The following GAS2 variants were observed in gnomAD, a reference collection of about 807,000 sequenced individuals.
GAS2 encodes growth arrest specific 2, also known as growth arrest-specific protein 2.
A neutral mutation model predicts 37.5 loss-of-function variants in GAS2; 20 were observed. The observed-to-expected ratio is 0.53, with a 90% CI of 0.37 to 0.77. The LOEUF (loss-of-function observed/expected upper bound fraction) is 0.77, where lower values mean the gene tolerates loss of function less well. GAS2 is among the 30% of genes least tolerant of loss of function. The pLI is 0.00. For synonymous variants in GAS2, 144 were observed against 132.2 expected, an observed-to-expected ratio of 1.09 and a Z score of -0.61; for missense variants, 336 against 373.4, an observed-to-expected ratio of 0.90 and a Z score of 0.82.
rs554374073 is a variant in GAS2 at position 22,679,578 on chromosome 11, A to T, written c.145+4564A>T. Among the ~76,000 whole-genome samples, 9 of 152,198 alleles carry T rather than the reference A, an allele frequency of 5.9e-5. No homozygotes were observed. The South Asian group carries it at 1.4e-3, about 25-fold the overall frequency. Reference sequence around the variant, plus strand: ...TATTGATGGACTTTTTAAGAATATTATTGGCTTGGATTTGATTATATACTA... The same window carrying T: ...TATTGATGGACTTTTTAAGAATATTTTTGGCTTGGATTTGATTATATACTA... On this transcript the variant is annotated intron_variant, in intron 2 of 7. Coordinates refer to ENST00000454584, the MANE Select transcript of GAS2 (RefSeq NM_001143830.3).
chr11:22,755,942 C>G lies in GAS2; in HGVS notation c.712C>G (p.Leu238Val), dbSNP rs1391344939. ...QGRYRVGEKI[L>V]FIRMLHNKHV... ...AAGATACCGAGTGGGAGAAAAGATC[C>G]TCTTCATTAGGGTAAAGTTTTACTT... Residue 238 changes from leucine (L) to valine (V), a missense_variant, in exon 7 of 8, where the codon CTC (leucine) becomes GTC (valine). Leu to Val is a conservative substitution (Grantham distance 32). Transcript: ENST00000454584. 3 of 1,607,686 alleles carry G rather than the reference C, an allele frequency of 1.9e-6. No individual in the cohort carries two copies. The highest frequency in any genetic ancestry group is 1.7e-6 in the Non-Finnish European group (2 of 1,174,834).
chr11:22,694,994 G>A (rs975766769), intron 3 of GAS2, among the ~76,000 whole-genome samples: 5 of 152,254 alleles, frequency 3.3e-5, no homozygotes, highest in East Asian at 1.9e-4. Flanking sequence ...GTATTTTGAC[G>A]CCTGGTAGAG....
chr11:22,636,825 G>T (rs972711205), intron 1 of GAS2, among the ~76,000 whole-genome samples: 4 of 146,838 alleles, frequency 2.7e-5, no homozygotes, highest in Admixed American at 6.9e-5. Flanking sequence ...AAAGATATAG[G>T]TATATATATG....
intron 6 of GAS2, among the ~76,000 whole-genome samples, chr11:22,752,796 C>G (rs1590089954): frequency 1.3e-5 from 2 of 152,062 alleles, no homozygotes; most frequent in Admixed American, 1.3e-4. Flanking sequence ...AGTTTTGAAA[C>G]CTTCAATGTT....
intron 7 of GAS2, among the ~76,000 whole-genome samples, chr11:22,778,339 C>G (rs1037461579): frequency 2.6e-5 from 4 of 152,158 alleles, no homozygotes; most frequent in African/African-American, 9.7e-5. Context: ...GTGAATGAGA[C>G]AAGGTCCCTG....
intron 2 of GAS2, among the ~76,000 whole-genome samples, chr11:22,678,743 A>T (rs1177409455): frequency 6.6e-6 from 1 of 151,998 alleles, no homozygotes; most frequent in Non-Finnish European, 1.5e-5. Context: ...TCCTTAAATA[A>T]TACTCCATTT....
At chr11:22,666,270 T>C (rs1166592047), upstream of GAS2, among the ~76,000 whole-genome samples, 1 of 152,226 alleles carries the variant, frequency 6.6e-6, no homozygotes, top group African/African-American at 2.4e-5. Context: ...TTAAAGAGAA[T>C]TGTAAGACAT....
At position 22,696,979 on chromosome 11, in the gene GAS2, T is replaced by G. The variant is rs1485308186; in HGVS notation, c.267+11190T>G. The stretch of plus-strand genomic sequence containing the variant: ...CCCATTTGTCAATTTTGGCTTTTGT[T>G]GCCATTGCTTTTGGTGTTTTAGACA... On this transcript the variant is annotated intron_variant, in intron 3 of 7. Transcript: ENST00000454584. 2.1e-3 allele frequency among the ~76,000 whole-genome samples: 314 copies of G among 150,328 alleles called. 7 individuals are homozygous for G. In the East Asian group the frequency reaches 0.051, roughly 24 times the overall value.
intron 7 of GAS2, among the ~76,000 whole-genome samples, chr11:22,789,301 TATAC>T (rs1218863091): frequency 1.6e-4 from 16 of 98,208 alleles, no homozygotes; most frequent in African/African-American, 4.8e-4. Context: ...TATATATATA[TATAC>T]ACACACACAC....
chr11:22,698,084 G>C (rs1339926085), intron 3 of GAS2, among the ~76,000 whole-genome samples: 4 of 151,974 alleles, frequency 2.6e-5, no homozygotes, highest in African/African-American at 9.7e-5. Context: ...TATGGAGCTG[G>C]GTTTTTGAAA....
intron 4 of GAS2, among the ~76,000 whole-genome samples, chr11:22,736,799 A>T (rs1852779949): frequency 6.6e-6 from 1 of 151,976 alleles, no homozygotes; most frequent in African/African-American, 2.4e-5. Flanking sequence ...GTGTCAGTGT[A>T]AGACTGTTCT....
At chr11:22,762,671 G>C (rs555823133) in intron 7 of GAS2, among the ~76,000 whole-genome samples, 1 of 152,144 alleles carries the variant, frequency 6.6e-6, no homozygotes, top group East Asian at 1.9e-4. Context: ...ATAATCAATA[G>C]TGCCTAATAT....
intron 5 of GAS2, among the ~76,000 whole-genome samples, chr11:22,748,059 T>C (rs1158234868): frequency 2.0e-5 from 3 of 152,166 alleles, no homozygotes; most frequent in Admixed American, 2.0e-4. Context: ...ACATATTCTC[T>C]ATCTATAGAT....
chr11:22,706,164 G>A (rs1195206489), intron 3 of GAS2, among the ~76,000 whole-genome samples: 1 of 152,090 alleles, frequency 6.6e-6, no homozygotes, highest in Non-Finnish European at 1.5e-5. Flanking sequence ...AAGCATGATA[G>A]ACTCCTTTAA....
chr11:22,714,464 T>G (rs1023815513), intron 3 of GAS2, among the ~76,000 whole-genome samples: 2 of 152,068 alleles, frequency 1.3e-5, no homozygotes, highest in African/African-American at 4.8e-5. Flanking sequence ...ACTAGATAGA[T>G]CATCAAGACA....
At chr11:22,732,290 G>A (rs10833805) in intron 4 of GAS2, among the ~76,000 whole-genome samples, 83,919 of 151,278 alleles carry the variant, frequency 0.55, 25,141 homozygotes, top group Middle Eastern at 0.68. Context: ...AAAAAAGAGC[G>A]CTCTTTTTTC....
chr11:22,770,683 A>G (rs553212252), intron 7 of GAS2, among the ~76,000 whole-genome samples: 4 of 152,354 alleles, frequency 2.6e-5, no homozygotes, highest in African/African-American at 7.2e-5. Context: ...TTAAACTGCC[A>G]ACAGCCAACG....
chr11:22,637,314 A>G (rs1432869233), intron 1 of GAS2, among the ~76,000 whole-genome samples: 11 of 104,214 alleles, frequency 1.1e-4, no homozygotes, highest in East Asian at 2.7e-4. Flanking sequence ...TTAATAGTAT[A>G]CTAATATAAT....
At chr11:22,707,833 G>T (rs987096232) in intron 3 of GAS2, among the ~76,000 whole-genome samples, 2 of 152,142 alleles carry the variant, frequency 1.3e-5, no homozygotes, top group East Asian at 1.9e-4. Context: ...TTAAGTATTT[G>T]AACTTTGTTT....
Sources: allele counts gnomAD v4.1 joint callset (sites outside exome capture counted in the v4.1 genomes callset), GRCh38; gene constraint gnomAD v4.1.1; transcripts MANE v1.5; gene names NCBI Gene and HGNC (gene_info 2026-07-23, HGNC 2026-07-21).